Variants in KLHDC10 observed in about 807,000 individuals in gnomAD.
KLHDC10 encodes the protein kelch domain containing 10.
Under a neutral mutation model 56.1 loss-of-function variants are expected in KLHDC10, and 24 were observed. That is an observed-to-expected ratio of 0.43 (90% CI 0.31 to 0.60). The LOEUF (loss-of-function observed/expected upper bound fraction) is 0.60, where lower values mean the gene tolerates loss of function less well. Among genes scored for constraint, KLHDC10 ranks in the 20% least tolerant of loss-of-function variants. KLHDC10 has a pLI of 0.11. For synonymous variants in KLHDC10, 188 were observed against 207.1 expected (o/e 0.91, Z 0.79); for missense variants, 349 against 567.0 (o/e 0.62, Z 3.91).
chr7:130,108,247 C>T (rs1796043944), intron 2 of KLHDC10, among the ~76,000 whole-genome samples: 1 of 150,754 alleles, frequency 6.6e-6, no homozygotes, highest in African/African-American at 2.4e-5. Flanking sequence ...AAAAAAGAAA[C>T]TATACTCATG....
chr7:130,079,925 T>TCTCGCTTCCTCCTTCCCTCCCTTC, intron 1 of KLHDC10, among the ~76,000 whole-genome samples: 1 of 69,862 alleles, frequency 1.4e-5, no homozygotes, highest in Non-Finnish European at 3.0e-5. Context: ...TTCCTCCCTT[T>TCTCGCTTCCTCCTTCCCTCCCTTC]CTCGCTTCCT....
chr7:130,109,685 CTGGAG>C (rs1796074447), intron 2 of KLHDC10, among the ~76,000 whole-genome samples: 1 of 152,212 alleles, frequency 6.6e-6, no homozygotes, highest in Non-Finnish European at 1.5e-5. Context: ...GTTGCCCAGG[CTGGAG>C]TGCAGTGGTG....
rs1241227985 is a variant in KLHDC10 at position 130,088,281 on chromosome 7, C to CT, written c.167-8628dup. ...TCATAAATAAAAGTTGTGTCTTCACCTTTTTTTTTTTTGAGACTTAGTCTG... is the reference window on the plus strand; with the variant it reads ...TCATAAATAAAAGTTGTGTCTTCACCTTTTTTTTTTTTTGAGACTTAGTCTG... On this transcript the variant is annotated intron_variant, in intron 1 of 9. Transcript: ENST00000335420. Among the ~76,000 whole-genome samples the CT allele has an allele frequency of 1.2e-3, 180 of 144,042 alleles. 1 individual carries two copies. The highest frequency in any genetic ancestry group is 9.2e-3 in the South Asian group (42 of 4,548). The allele number at this position is 144,042 out of a possible 152,430, so 94.5% of individuals were successfully genotyped here. A position where few individuals can be genotyped will look rare whatever the true frequency, so the allele number is the denominator to read the frequency against.
At chr7:130,077,853 C>T (rs62491307) in intron 1 of KLHDC10, among the ~76,000 whole-genome samples, 4,891 of 151,868 alleles carry the variant, frequency 0.032, 111 homozygotes, top group South Asian at 0.094. Flanking sequence ...CCGCGCCCGG[C>T]CGGGGTTTCT....
intron 9 of KLHDC10, 73 bp downstream of exon 9, chr7:130,129,649 G>GA (rs757321186): frequency 2.1e-6 from 3 of 1,448,352 alleles, no homozygotes; most frequent in African/African-American, 1.4e-5. Flanking sequence ...ATATTAGCAA[G>GA]AAAAAAAGCC....
chr7:130,108,194 C>G (rs1452890201), intron 2 of KLHDC10, among the ~76,000 whole-genome samples: 1 of 151,908 alleles, frequency 6.6e-6, no homozygotes, highest in Non-Finnish European at 1.5e-5. Flanking sequence ...CGCCACTGTA[C>G]ACCAGCCTGG....
In KLHDC10 at chr7:130,070,793, G is replaced by A. The variant is rs771474024; in HGVS notation, c.150G>A (p.Gly50=). 1.5e-6 allele frequency: 2 copies of A among 1,307,510 alleles called. No individual in the cohort carries two copies. The highest frequency in any genetic ancestry group is 9.8e-7 in the Non-Finnish European group (1 of 1,025,392). 81.0% of individuals were successfully genotyped at this position (1,307,510 alleles called of 1,614,324 possible). A position where few individuals can be genotyped will look rare whatever the true frequency, so the allele number is the denominator to read the frequency against. ...TCAACCGCTTCGTGCAACTCTCCGG[G>A]CGGCCGCACCTGCCAGGTGAGTCGT... The part of the protein sequence containing the change: ...GQLNRFVQLS[G]RPHLPGKKKI... The change falls in exon 1 of 10, where the codon GGG becomes GGA. Residue 50 remains glycine, a synonymous_variant. Transcript: ENST00000335420.
chr7:130,134,046 GTTAACAGTGACC>G lies in KLHDC10; in HGVS notation c.*3303_*3314del, dbSNP rs1355188097. ...ATTAACATTTTTAAGCAAAAGATAC[GTTAACAGTGACC>G]TTTGGTTATCCACAGTAGCAAGAGT... On this transcript the variant is annotated 3_prime_UTR_variant, in exon 10 of 10. Coordinates refer to ENST00000335420, the MANE Select transcript of KLHDC10 (RefSeq NM_014997.4). The G allele has an allele frequency of 2.0e-5, 3 of 152,152 alleles. No individual in the cohort carries two copies. The highest frequency in any genetic ancestry group is 7.2e-5 in the African/African-American group (3 of 41,430). 9.4% of individuals were successfully genotyped at this position (152,152 alleles called of 1,614,324 possible).
At chr7:130,079,879 TCCCTCCCTTCCTCCCTTTCTTCCTCCC>T (rs1795577255) in intron 1 of KLHDC10, among the ~76,000 whole-genome samples, 1 of 127,452 alleles carries the variant, frequency 7.8e-6, no homozygotes, top group Admixed American at 7.9e-5. Context: ...TCTTCCTCCC[TCCCTCCCTTCCTCCCTTTCTTCCTCCC>T]TCCCTCCCTT....
In KLHDC10 at chr7:130,125,921, T is replaced by G. The variant is rs1412966748; in HGVS notation, c.921T>G (p.His307Gln). The change falls in exon 7 of 10, where the codon CAT becomes CAG. Residue 307 changes from histidine to glutamine, a missense_variant. Coordinates refer to ENST00000335420, the MANE Select transcript of KLHDC10 (RefSeq NM_014997.4). ...GGGAGGAAATTGCAACAAAACCCCA[T>G]GAAAAAATAGGTAAATTTAAAGTAT... Reference protein sequence around the residue: ...NAWEEIATKPHEKIGFPAARR... With the variant: ...NAWEEIATKPQEKIGFPAARR... The G allele has an allele frequency of 6.3e-7, 1 of 1,592,588 alleles. No homozygotes were observed. Among genetic ancestry groups the G allele is most frequent in the Non-Finnish European group, 8.5e-7 (1 of 1,170,354 alleles).
At chr7:130,109,621 A>G (rs1249268642) in intron 2 of KLHDC10, among the ~76,000 whole-genome samples, 3 of 151,870 alleles carry the variant, frequency 2.0e-5, no homozygotes, top group African/African-American at 4.8e-5. Context: ...TTATTTTGCC[A>G]CTATCCTAAT....
chr7:130,112,186 T>C lies in KLHDC10; in HGVS notation c.254-4259T>C, dbSNP rs143041722. Among the ~76,000 whole-genome samples the C allele has an allele frequency of 1.5e-3, 235 of 152,346 alleles. 1 individual carries two copies. The highest frequency in any genetic ancestry group is 5.3e-3 in the African/African-American group (221 of 41,570). ...ATATTATTTGTAGTAGTGAAAACAT[T>C]GGAAACAACTTAACCTTCTGTCACA... On this transcript the variant is annotated intron_variant, in intron 2 of 9. Coordinates refer to ENST00000335420, the MANE Select transcript of KLHDC10 (RefSeq NM_014997.4).
intron 1 of KLHDC10, among the ~76,000 whole-genome samples, chr7:130,079,863 T>G (rs1795576126): frequency 7.1e-6 from 1 of 140,098 alleles, no homozygotes; most frequent in African/African-American, 2.7e-5. Flanking sequence ...CCTCCCTTCC[T>G]CCCTTTCTTC....
intron 1 of KLHDC10, among the ~76,000 whole-genome samples, chr7:130,084,511 C>T (rs894781307): frequency 6.6e-6 from 1 of 152,204 alleles, no homozygotes; most frequent in East Asian, 1.9e-4. Context: ...CGGTGGTTGA[C>T]GCCTGTAATC....
At position 130,077,363 on chromosome 7, in the gene KLHDC10, A is replaced by C. The variant is rs1315949671; in HGVS notation, c.166+6554A>C. The stretch of plus-strand genomic sequence containing the variant: ...AACAAGACTCTGTCTCAAAAAAAAA[A>C]AAAAAAAAAAAAAAAAAAACAGTAT... On this transcript the variant is annotated intron_variant, in intron 1 of 9. Transcript: ENST00000335420. 2.0e-5 allele frequency among the ~76,000 whole-genome samples: 3 copies of C among 147,632 alleles called. No individual in the cohort carries two copies. In the East Asian group the frequency reaches 6.1e-4, roughly 30 times the overall value.
At chr7:130,104,853 C>T (rs1309397294) in intron 2 of KLHDC10, among the ~76,000 whole-genome samples, 1 of 152,132 alleles carries the variant, frequency 6.6e-6, no homozygotes, top group Non-Finnish European at 1.5e-5. Context: ...ATGAGAACTT[C>T]GTCCCCGTGA....
intron 1 of KLHDC10, among the ~76,000 whole-genome samples, chr7:130,084,107 C>CTA (rs1795648414): frequency 3.3e-5 from 5 of 152,174 alleles, no homozygotes; most frequent in Non-Finnish European, 2.9e-5. Flanking sequence ...GGGCCATTTC[C>CTA]TTGCTTTCTC....
intron 2 of KLHDC10, among the ~76,000 whole-genome samples, chr7:130,110,662 C>A (rs771403872): frequency 2.0e-4 from 30 of 152,184 alleles, no homozygotes; most frequent in Non-Finnish European, 2.2e-4. Flanking sequence ...CTAGGTCCAA[C>A]AGAAGACCTG....
chr7:130,125,499 C>T (rs765622957), intron 6 of KLHDC10, among the ~76,000 whole-genome samples: 27 of 151,902 alleles, frequency 1.8e-4, no homozygotes, highest in African/African-American at 2.4e-4. Flanking sequence ...GCCAAGATCG[C>T]GTCACTACAC....
Sources: gnomAD v4.1 joint callset for allele counts (sites outside exome capture counted in the v4.1 genomes callset) on GRCh38, gnomAD v4.1.1 for gene constraint, MANE v1.5 for transcripts, NCBI Gene and HGNC (gene_info 2026-07-23, HGNC 2026-07-21) for gene names.